The following KCNH3 variants were observed in gnomAD, a reference collection of about 807,000 sequenced individuals.
The protein encoded by KCNH3 is potassium voltage-gated channel subfamily H member 3, also known as voltage-gated inwardly rectifying potassium channel KCNH3.
KCNH3 carries 36 observed loss-of-function variants against 95.6 expected under a neutral mutation model. The ratio of observed to expected loss-of-function variants is 0.38; its 90% CI spans 0.29 to 0.50. The LOEUF is 0.50. Ranked by LOEUF, KCNH3 falls within the 20% of genes least tolerant of loss-of-function variation. The pLI, the probability that KCNH3 is intolerant of heterozygous loss-of-function variation, is 0.95. For missense variants in KCNH3, 1,030 were observed against 1,484.1 expected (o/e 0.69, Z 5.03); for synonymous variants, 620 against 646.3 (o/e 0.96, Z 0.62).
At chr12:49,555,991 A>G (rs997962098) in intron 12 of KCNH3, 40 bp downstream of exon 12, 1 of 1,011,528 alleles carries the variant, frequency 9.9e-7, no homozygotes, top group Non-Finnish European at 1.5e-6. Context: ...GATGGTGGTG[A>G]TGAGGCTGAG....
chr12:49,543,940 A>G lies in KCNH3; in HGVS notation c.849A>G (p.Thr283=). The change falls in exon 6 of 15, where the codon ACA becomes ACG. Residue 283 remains threonine (T), a synonymous_variant. Coordinates refer to ENST00000257981, the MANE Select transcript of KCNH3 (RefSeq NM_012284.3). Reference sequence around the variant, plus strand: ...ACATTGTGCTGAATTTCCGTACCACATTCGTGTCCAAGTCGGGCCAGGTGG... The same window carrying G: ...ACATTGTGCTGAATTTCCGTACCACGTTCGTGTCCAAGTCGGGCCAGGTGG... ...ILDIVLNFRT[T]FVSKSGQVVF... 8 of 1,611,706 alleles carry G rather than the reference A, an allele frequency of 5.0e-6. No individual in the cohort carries two copies. The highest frequency in any genetic ancestry group is 1.3e-5 in the African/African-American group (1 of 75,028).
intron 13 of KCNH3, 125 bp downstream of exon 13, chr12:49,556,601 C>T (rs1032721797): frequency 5.3e-6 from 4 of 752,044 alleles, no homozygotes; most frequent in Non-Finnish European, 9.5e-6. Flanking sequence ...GGCCGTCTCA[C>T]CCCACTACCC....
chr12:49,548,137 C>T (rs538474773), intron 7 of KCNH3, among the ~76,000 whole-genome samples: 34 of 136,618 alleles, frequency 2.5e-4, no homozygotes, highest in East Asian at 1.2e-3. Context: ...TGTGTGTGCG[C>T]GCGCACCTGT....
chr12:49,543,532 G>A lies in KCNH3; in HGVS notation c.823+14G>A, dbSNP rs372744095. On this transcript the variant is annotated intron_variant, in intron 5 of 14. Coordinates refer to ENST00000257981, the MANE Select transcript of KCNH3 (RefSeq NM_012284.3). ...TCTTCATCCTTGGTGCGTGCACTCT[G>A]CCCCTTCCGCCCCACCCTTTGCTGG... is the stretch of plus-strand genomic sequence containing the variant. 6.3e-7 allele frequency: 1 copy of A among 1,583,528 alleles called. No individual in the cohort carries two copies. Among genetic ancestry groups the A allele is most frequent in the Non-Finnish European group, 8.6e-7 (1 of 1,167,630 alleles).
rs1001957715 is a variant in KCNH3, at chr12:49,557,766, A to G, written c.3065A>G (p.Glu1022Gly). 4.3e-5 allele frequency: 70 copies of G among 1,612,354 alleles called. 1 individual carries two copies. The highest frequency in any genetic ancestry group is 5.6e-5 in the Non-Finnish European group (66 of 1,179,498). The stretch of plus-strand genomic sequence containing the variant: ...ACCCCTGCCTCCCCTCCTCCTTCTG[A>G]GGAAGGGGCTAGGACTGGGCCCGCA... ...PSTPASPPPSEEGARTGPAEP... is the reference protein window; with the variant it reads ...PSTPASPPPSGEGARTGPAEP... Residue 1022 changes from glutamate to glycine, a missense_variant, in exon 15 of 15, where the codon GAG (glutamate) becomes GGG (glycine). Glu to Gly is a moderately conservative substitution (Grantham distance 98). Transcript: ENST00000257981.
intron 12 of KCNH3, 143 bp downstream of exon 12, chr12:49,556,094 C>T (rs1049004772): frequency 2.5e-5 from 15 of 598,770 alleles, no homozygotes; most frequent in Non-Finnish European, 3.6e-5. Flanking sequence ...TCCAGGAAGC[C>T]TTCTGTGCTC....
chr12:49,542,015 C>T (rs1937887543), intron 3 of KCNH3, among the ~76,000 whole-genome samples: 1 of 152,202 alleles, frequency 6.6e-6, no homozygotes, highest in Admixed American at 6.5e-5. Context: ...AGCAAACAAA[C>T]CCAATTGTAC....
intron 9 of KCNH3, 151 bp downstream of exon 9, chr12:49,549,791 G>A (rs1439836745): frequency 9.6e-6 from 8 of 835,506 alleles, no homozygotes; most frequent in Non-Finnish European, 1.5e-5. Flanking sequence ...GGGACAGAGG[G>A]CAGCTAAGAA....
rs2040624638 is a variant in KCNH3, at chr12:49,558,048, CTCCATG to C, written c.*96_*101del. 7.4e-7 allele frequency: 1 copy of C among 1,351,908 alleles called. No individual in the cohort carries two copies. The highest frequency in any genetic ancestry group is 1.5e-5 in the African/African-American group (1 of 68,636). The allele number at this position is 1,351,908 out of a possible 1,614,324, so 83.7% of individuals were successfully genotyped here. ...GGCAGGGTGGCAGCCTCCCCACGGACTCCATGCGGCCCGCTGGCTCAGGGCAGGGAG... is the reference window on the plus strand; with the variant it reads ...GGCAGGGTGGCAGCCTCCCCACGGACCGGCCCGCTGGCTCAGGGCAGGGAG... On this transcript the variant is annotated 3_prime_UTR_variant, in exon 15 of 15. Transcript: ENST00000257981.
Position 49,557,568 on chromosome 12 carries a change from T to C in KCNH3, c.2867T>C (p.Val956Ala), listed in dbSNP as rs1166035536. 2.5e-6 allele frequency: 4 copies of C among 1,612,478 alleles called. No individual in the cohort carries two copies. In the African/African-American group the frequency reaches 4.0e-5, roughly 16 times the overall value. The change falls in exon 15 of 15, where the codon GTC becomes GCC. Residue 956 changes from valine (V) to alanine (A), a missense_variant. Physicochemically the swap from Val to Ala is moderately conservative, Grantham distance 64. Around this residue, in one of 9 missense-constraint regions of KCNH3, gnomAD observed 464 missense variants for 493.2 expected, o/e 0.94. Transcript: ENST00000257981. ...SYCLQPPAGS[V>A]LSGTWPHPRP... Reference sequence around the variant, plus strand: ...TGCCTGCAGCCCCCAGCTGGCTCTGTCTTGAGTGGGACTTGGCCCCACCCT... The same window carrying C: ...TGCCTGCAGCCCCCAGCTGGCTCTGCCTTGAGTGGGACTTGGCCCCACCCT...
At position 49,549,546 on chromosome 12, in the gene KCNH3, T is replaced by C; in HGVS notation, c.1574T>C (p.Ile525Thr). ...HSRTRDLRDY[I>T]RIHRIPKPLK... ...CGCACGCGCGACCTGCGCGACTACA[T>C]CCGCATCCACCGTATCCCCAAGCCC... Residue 525 changes from isoleucine (I) to threonine (T), a missense_variant, in exon 9 of 15, where the codon ATC (isoleucine) becomes ACC (threonine). By Grantham distance (89) the Ile-to-Thr change is moderately conservative. Coordinates refer to ENST00000257981, the MANE Select transcript of KCNH3 (RefSeq NM_012284.3). The C allele has an allele frequency of 6.2e-7, 1 of 1,613,550 alleles. No homozygotes were observed. The highest frequency in any genetic ancestry group is 1.3e-5 in the African/African-American group (1 of 75,068).
chr12:49,548,095 C>CAT (rs1491578844), intron 7 of KCNH3, among the ~76,000 whole-genome samples: 24 of 146,720 alleles, frequency 1.6e-4, no homozygotes, highest in African/African-American at 5.9e-4. Flanking sequence ...CCTGTGACTA[C>CAT]GTGTGTGTGT....
In KCNH3 at chr12:49,549,187, C is replaced by G; in HGVS notation, c.1468+14C>G. On this transcript the variant is annotated intron_variant, in intron 8 of 14. Coordinates refer to ENST00000257981, the MANE Select transcript of KCNH3 (RefSeq NM_012284.3). ...TGCTCATCGGCGGTGAGCCCGGCCG[C>G]GCGCGTCTTCCCGGGGCCACTCCCA... is the stretch of plus-strand genomic sequence containing the variant. 3 of 1,568,612 alleles carry G rather than the reference C, an allele frequency of 1.9e-6. No homozygotes were observed. Among genetic ancestry groups the G allele is most frequent in the Non-Finnish European group, 8.7e-7 (1 of 1,155,270 alleles).
rs1176215780 is a variant in KCNH3 at position 49,555,856 on chromosome 12, G to A, written c.2373G>A (p.Leu791=). 3.7e-6 allele frequency: 6 copies of A among 1,611,966 alleles called. No individual in the cohort carries two copies. In the Admixed American group the frequency reaches 5.0e-5, roughly 13 times the overall value. The change falls in exon 12 of 15, where the codon TTG becomes TTA. Residue 791 remains leucine, a synonymous_variant. Coordinates refer to ENST00000257981, the MANE Select transcript of KCNH3 (RefSeq NM_012284.3). Reference sequence around the variant, plus strand: ...GGAGGCCAGGCAGGGCAGGGGCTTTGAAGGCTGAGGCTGGCCCCTCTGCTC... The same window carrying A: ...GGAGGCCAGGCAGGGCAGGGGCTTTAAAGGCTGAGGCTGGCCCCTCTGCTC... ...GRGRPGRAGA[L]KAEAGPSAPP... is the part of the protein sequence containing the mutation.
In KCNH3 at chr12:49,549,565, C is replaced by T. The variant is rs1485809130; in HGVS notation, c.1593C>T (p.Pro531=). ...ACTACATCCGCATCCACCGTATCCC[C>T]AAGCCCCTCAAGCAGCGCATGCTGG... ...LRDYIRIHRI[P]KPLKQRMLEY... The change falls in exon 9 of 15, where the codon CCC becomes CCT. Residue 531 remains proline, a synonymous_variant. Transcript: ENST00000257981. 13 of 1,613,412 alleles carry T rather than the reference C, an allele frequency of 8.1e-6. No homozygotes were observed. The highest frequency in any genetic ancestry group is 1.7e-5 in the Admixed American group (1 of 60,030).
intron 10 of KCNH3, among the ~76,000 whole-genome samples, chr12:49,551,303 C>T (rs541597490): frequency 2.0e-5 from 3 of 152,230 alleles, no homozygotes; most frequent in South Asian, 2.1e-4. Context: ...GGACCGGGCG[C>T]GGTAGCTCAA....
Position 49,542,771 on chromosome 12 carries a change from C to T in KCNH3, c.511C>T (p.Arg171Trp), listed in dbSNP as rs1405622991. 7.5e-6 allele frequency: 12 copies of T among 1,594,766 alleles called. No homozygotes were observed. Among genetic ancestry groups the T allele is most frequent in the African/African-American group, 5.3e-5 (4 of 74,804 alleles). ...CTTCAATGCCAACCGGCGGCGGAGC[C>T]GGGCCGTGCTCTACCACCTGTCCGG... is the stretch of plus-strand genomic sequence containing the variant. ...KGFNANRRRS[R>W]AVLYHLSGHL... Residue 171 changes from arginine (R) to tryptophan (W), a missense_variant, in exon 4 of 15, where the codon CGG becomes TGG. Around this residue, in one of 9 missense-constraint regions of KCNH3, gnomAD observed 92 missense variants for 92.7 expected, o/e 0.99. Transcript: ENST00000257981.
At chr12:49,544,907 C>T (rs911523019) in intron 7 of KCNH3, among the ~76,000 whole-genome samples, 4 of 152,222 alleles carry the variant, frequency 2.6e-5, no homozygotes, top group African/African-American at 9.6e-5. Flanking sequence ...CTTCACTCTC[C>T]TTCATGTCAC....
Position 49,542,795 on chromosome 12 carries a change from G to C in KCNH3, c.535G>C (p.Gly179Arg). 1 of 1,602,020 alleles carries C rather than the reference G, an allele frequency of 6.2e-7. No individual in the cohort carries two copies. The highest frequency in any genetic ancestry group is 8.5e-7 in the Non-Finnish European group (1 of 1,175,558). ...RSRAVLYHLS[G>R]HLQKQPKGKH... ...CCGGGCCGTGCTCTACCACCTGTCCGGGCACCTGCAGAAGCAGCCCAAGGG... is the reference window on the plus strand; with the variant it reads ...CCGGGCCGTGCTCTACCACCTGTCCCGGCACCTGCAGAAGCAGCCCAAGGG... The change falls in exon 4 of 15, where the codon GGG becomes CGG. Residue 179 changes from glycine to arginine, a missense_variant. By Grantham distance (125) the Gly-to-Arg change is moderately radical. Around this residue, in one of 9 missense-constraint regions of KCNH3, gnomAD observed 92 missense variants for 92.7 expected, o/e 0.99. Transcript: ENST00000257981.
Sources: gnomAD v4.1 joint callset for allele counts (sites outside exome capture counted in the v4.1 genomes callset) on GRCh38, gnomAD v4.1.1 for gene constraint, gnomAD v4.1.1 regional missense constraint, MANE v1.5 for transcripts, NCBI Gene and HGNC (gene_info 2026-07-23, HGNC 2026-07-21) for gene names.